PTPRK: variants seen among roughly 807,000 people sequenced by gnomAD.
The protein encoded by PTPRK is protein tyrosine phosphatase receptor type K, also known as receptor-type tyrosine-protein phosphatase kappa.
Under a neutral mutation model 178.0 loss-of-function variants are expected in PTPRK, and 75 were observed. The ratio of observed to expected loss-of-function variants is 0.42; its 90% CI spans 0.35 to 0.51. The LOEUF (loss-of-function observed/expected upper bound fraction) is 0.51, where lower values mean the gene tolerates loss of function less well. Ranked by LOEUF, PTPRK falls within the 20% of genes least tolerant of loss-of-function variation. The pLI, the probability that PTPRK is intolerant of heterozygous loss-of-function variation, is 0.02. For synonymous variants in PTPRK, 637 were observed against 620.6 expected, an observed-to-expected ratio of 1.03 and a Z score of -0.39; for missense variants, 1,441 against 1,797.8, an observed-to-expected ratio of 0.80 and a Z score of 3.59.
At chr6:128,083,673 C>T (rs762637795) in intron 9 of PTPRK, 42 bp downstream of exon 9, 2 of 1,278,828 alleles carry the variant, frequency 1.6e-6, no homozygotes, top group Non-Finnish European at 2.2e-6. Context: ...CCTTTTAGTC[C>T]TTCAATCCAC....
chr6:128,403,431 G>T (rs901972346), intron 1 of PTPRK, among the ~76,000 whole-genome samples: 4 of 152,078 alleles, frequency 2.6e-5, no homozygotes, highest in Non-Finnish European at 5.9e-5. Context: ...ACACAGCCTG[G>T]AGTAATGGCT....
chr6:128,232,381 G>A (rs1039432902), intron 5 of PTPRK, among the ~76,000 whole-genome samples: 2 of 152,114 alleles, frequency 1.3e-5, no homozygotes, highest in African/African-American at 2.4e-5. Flanking sequence ...ACATGTCAGG[G>A]CAAAAAGTAT....
chr6:128,302,045 CA>C (rs1252522922), intron 3 of PTPRK, among the ~76,000 whole-genome samples: 11 of 151,674 alleles, frequency 7.3e-5, no homozygotes, highest in Non-Finnish European at 7.4e-5. Context: ...AATAAAGAAA[CA>C]AAAAAGCTAA....
At position 128,508,650 on chromosome 6, in the gene PTPRK, A is replaced by G. The variant is rs561692339; in HGVS notation, c.100+11609T>C. On this transcript the variant is annotated intron_variant, in intron 1 of 29. Transcript: ENST00000368226. ...GCCAACTGTGGTCCAAAAATATTAA[A>G]TGAAAAATTTCAAGCAGGGCTCTGT... is the stretch of plus-strand genomic sequence containing the variant. Among the ~76,000 whole-genome samples the G allele has an allele frequency of 3.9e-4, 59 of 152,290 alleles. 1 individual carries two copies. The highest frequency in any genetic ancestry group is 1.4e-3 in the African/African-American group (57 of 41,566).
intron 21 of PTPRK, among the ~76,000 whole-genome samples, chr6:127,988,082 G>A (rs1270050739): frequency 1.3e-5 from 2 of 150,576 alleles, no homozygotes; most frequent in African/African-American, 4.9e-5. Context: ...GTCATGTAGT[G>A]ATATTTTCTT....
At chr6:128,447,490 AGAGATCCACTAAAT>A (rs1847180229) in intron 1 of PTPRK, among the ~76,000 whole-genome samples, 1 of 152,200 alleles carries the variant, frequency 6.6e-6, no homozygotes, top group Non-Finnish European at 1.5e-5. Context: ...TAACTGATCT[AGAGATCCACTAAAT>A]AATTAGTGGT....
intron 7 of PTPRK, among the ~76,000 whole-genome samples, chr6:128,117,897 C>A (rs545023309): frequency 6.6e-6 from 1 of 152,278 alleles, no homozygotes. Context: ...AGGCAATCCA[C>A]CCACGTCGGC....
intron 7 of PTPRK, among the ~76,000 whole-genome samples, chr6:128,169,051 A>G (rs1020497276): frequency 1.3e-5 from 2 of 152,088 alleles, no homozygotes; most frequent in Admixed American, 6.6e-5. Context: ...AACAGAGAGC[A>G]GGGAGGGGGA....
Position 128,000,284 on chromosome 6 carries a change from T to C in PTPRK, c.2495-1380A>G, listed in dbSNP as rs199776345. The C allele has an allele frequency of 2.1e-5, 27 of 1,292,344 alleles. No individual in the cohort carries two copies. The East Asian group carries it at 5.3e-4, about 25-fold the overall frequency. 80.1% of individuals were successfully genotyped at this position (1,292,344 alleles called of 1,614,324 possible). ...TCTATCACCAACTCTACAAATAGGA[T>C]ATAGCAAAAAATGAATTGTTGTCCC... On this transcript the variant is annotated intron_variant, in intron 15 of 29. Coordinates refer to ENST00000368226, the MANE Select transcript of PTPRK (RefSeq NM_002844.4).
chr6:128,127,366 T>G (rs1270021836), intron 7 of PTPRK, among the ~76,000 whole-genome samples: 1 of 152,238 alleles, frequency 6.6e-6, no homozygotes, highest in Admixed American at 6.5e-5. Context: ...TGTTGAATCT[T>G]AAGATCAAGT....
At chr6:128,040,359 G>A (rs1313504521) in intron 13 of PTPRK, among the ~76,000 whole-genome samples, 1 of 152,076 alleles carries the variant, frequency 6.6e-6, no homozygotes, top group African/African-American at 2.4e-5. Flanking sequence ...GAGGAAAGAT[G>A]TGCTAGGACA....
chr6:128,513,161 A>C (rs1857423089), intron 1 of PTPRK, among the ~76,000 whole-genome samples: 1 of 152,298 alleles, frequency 6.6e-6, no homozygotes, highest in South Asian at 2.1e-4. Context: ...CTGGAATATT[A>C]AATAATAATC....
chr6:128,230,399 G>A (rs974118488), intron 5 of PTPRK, among the ~76,000 whole-genome samples: 3 of 152,072 alleles, frequency 2.0e-5, no homozygotes, highest in Non-Finnish European at 4.4e-5. Context: ...AAACTACAAG[G>A]GTTAAAATTC....
chr6:128,169,597 T>C (rs911155432), intron 7 of PTPRK, among the ~76,000 whole-genome samples: 1 of 152,082 alleles, frequency 6.6e-6, no homozygotes, highest in Non-Finnish European at 1.5e-5. Context: ...TTTTTTATTG[T>C]TATTTCATCA....
intron 1 of PTPRK, among the ~76,000 whole-genome samples, chr6:128,494,947 A>G (rs1205418190): frequency 6.6e-6 from 1 of 152,244 alleles, no homozygotes; most frequent in African/African-American, 2.4e-5. Context: ...CTCACAAAAA[A>G]TAAATAAATA....
intron 1 of PTPRK, among the ~76,000 whole-genome samples, chr6:128,458,987 T>G (rs1038297904): frequency 5.3e-5 from 8 of 152,142 alleles, no homozygotes; most frequent in Admixed American, 1.3e-4. Flanking sequence ...TAAAATTATA[T>G]ATACACTTAA....
chr6:128,476,273 G>A (rs530311065), intron 1 of PTPRK, among the ~76,000 whole-genome samples: 27 of 152,056 alleles, frequency 1.8e-4, no homozygotes, highest in African/African-American at 6.5e-4. Flanking sequence ...ACACACAAAT[G>A]ATAACTCTGG....
intron 3 of PTPRK, chr6:128,321,184 T>G (rs548570108): frequency 2.6e-5 from 4 of 152,186 alleles, no homozygotes; most frequent in Admixed American, 2.6e-4. Flanking sequence ...TACTTTTACA[T>G]AAATGTATTC....
intron 1 of PTPRK, among the ~76,000 whole-genome samples, chr6:128,402,280 T>C (rs191585810): frequency 5.4e-4 from 82 of 152,260 alleles, no homozygotes; most frequent in African/African-American, 1.9e-3. Flanking sequence ...TGTTTAGAGA[T>C]GGAGTCTCAC....
Sources: allele counts gnomAD v4.1 joint callset (sites outside exome capture counted in the v4.1 genomes callset), GRCh38; gene constraint gnomAD v4.1.1; transcripts MANE v1.5; gene names NCBI Gene and HGNC (gene_info 2026-07-23, HGNC 2026-07-21).